The following CLRN1 variants were observed in gnomAD, a reference collection of about 807,000 sequenced individuals.
The protein encoded by CLRN1 is clarin 1.
A neutral mutation model predicts 18.7 loss-of-function variants in CLRN1; 15 were observed. That is an observed-to-expected ratio of 0.80 (90% CI 0.54 to 1.23). CLRN1 has a LOEUF of 1.23. Ranked by LOEUF, CLRN1 falls within the 50% of genes most tolerant of loss-of-function variation. The pLI, the probability that CLRN1 is intolerant of heterozygous loss-of-function variation, is 0.00. For missense variants in CLRN1, 311 were observed against 277.5 expected, an observed-to-expected ratio of 1.12 and a Z score of -0.86; for synonymous variants, 104 against 102.9, an observed-to-expected ratio of 1.01 and a Z score of -0.07.
At chr3:150,928,333 G>C (rs1174092426) in intron 2 of CLRN1, 132 bp from the exon 3 acceptor site, 15 of 1,146,382 alleles carry the variant, frequency 1.3e-5, no homozygotes, top group African/African-American at 3.1e-5. Flanking sequence ...AAAAATTATT[G>C]CATATTTGTA....
chr3:150,944,911 G>A (rs138185413), intron 1 of CLRN1, among the ~76,000 whole-genome samples: 328 of 152,302 alleles, frequency 2.2e-3, no homozygotes, highest in African/African-American at 7.6e-3. Flanking sequence ...GATATTTTAC[G>A]TTTGAGTTAC....
At position 150,927,606 on chromosome 3, in the gene CLRN1, A is replaced by G. The variant is rs1309359655; in HGVS notation, c.*330T>C. On this transcript the variant is annotated 3_prime_UTR_variant, in exon 3 of 3. Transcript: ENST00000327047. ...TTAAAATATATTCCATGTGCCTTTGATATCTTTTTGATAGGAAGACATCTT... is the reference window on the plus strand; with the variant it reads ...TTAAAATATATTCCATGTGCCTTTGGTATCTTTTTGATAGGAAGACATCTT... The G allele has an allele frequency of 2.0e-6, 1 of 493,640 alleles. No homozygotes were observed. Among genetic ancestry groups the G allele is most frequent in the Admixed American group, 2.3e-5 (1 of 43,364 alleles). 30.6% of individuals were successfully genotyped at this position (493,640 alleles called of 1,614,324 possible).
intron 2 of CLRN1, among the ~76,000 whole-genome samples, chr3:150,938,086 G>C (rs16863089): frequency 0.03 from 4,519 of 152,224 alleles, 221 homozygotes; most frequent in African/African-American, 0.1. Context: ...TTCAGCACAA[G>C]GAGCGGGGAA....
intron 1 of CLRN1, among the ~76,000 whole-genome samples, chr3:150,951,674 TGGC>T (rs907375281): frequency 7.2e-5 from 11 of 152,110 alleles, no homozygotes; most frequent in African/African-American, 2.4e-4. Context: ...GAGGTTTAAT[TGGC>T]TCACAGTTCT....
At chr3:150,945,810 A>C in intron 1 of CLRN1, 1 of 422,360 alleles carries the variant, frequency 2.4e-6, no homozygotes, top group Non-Finnish European at 3.9e-6. Flanking sequence ...ACCCTTGTGC[A>C]TTTTTCTTGG....
intron 1 of CLRN1, among the ~76,000 whole-genome samples, chr3:150,966,764 C>G (rs1005713364): frequency 5.6e-4 from 85 of 152,174 alleles, no homozygotes; most frequent in African/African-American, 1.9e-3. Context: ...CTTTAAAAAT[C>G]ATGAGTTTTG....
At chr3:150,946,704 CT>C (rs34471891) in intron 1 of CLRN1, among the ~76,000 whole-genome samples, 35,213 of 110,694 alleles carry the variant, frequency 0.32, 4,162 homozygotes, top group East Asian at 0.62. Flanking sequence ...CAGACCATTT[CT>C]TTTTTTTTTT....
In CLRN1 at chr3:150,927,273, A is replaced by G. The variant is rs765440156; in HGVS notation, c.*663T>C. 4.6e-5 allele frequency: 18 copies of G among 394,520 alleles called. No homozygotes were observed. Among genetic ancestry groups the G allele is most frequent in the South Asian group, 2.8e-4 (14 of 49,956 alleles). The allele number at this position is 394,520 out of a possible 1,614,324, so 24.4% of individuals were successfully genotyped here. On this transcript the variant is annotated 3_prime_UTR_variant, in exon 3 of 3. Transcript: ENST00000327047. ...ATAAGACTATGCTTTTTTAAAGCCT[A>G]TATTTTATATTTATTTTATTTTTTA... is the stretch of plus-strand genomic sequence containing the variant.
chr3:150,928,425 G>A (rs759886964), intron 2 of CLRN1, among the ~76,000 whole-genome samples: 7 of 152,316 alleles, frequency 4.6e-5, no homozygotes, highest in East Asian at 1.9e-4. Context: ...TTGTGTGTGC[G>A]TGTAGGAGTG....
chr3:150,972,544 G>A lies in CLRN1; in HGVS notation c.165C>T (p.Asp55=), dbSNP rs182614686. 1 of 1,614,144 alleles carries A rather than the reference G, an allele frequency of 6.2e-7. No individual in the cohort carries two copies. ...LLVNASGQEL[D]KFMGEMQYGL... is the part of the protein sequence containing the mutation. ...CGTACTGCATTTCACCCATAAACTT[G>A]TCCAGCTCCTGCCCTGAGGCATTGA... The change falls in exon 1 of 3, where the codon GAC becomes GAT. Residue 55 remains aspartate (D), a synonymous_variant. Coordinates refer to ENST00000327047, the MANE Select transcript of CLRN1 (RefSeq NM_174878.3).
chr3:150,957,213 T>C (rs1438927029), intron 1 of CLRN1, among the ~76,000 whole-genome samples: 1 of 150,742 alleles, frequency 6.6e-6, no homozygotes, highest in Non-Finnish European at 1.5e-5. Flanking sequence ...TAGTACAGAA[T>C]TATACTCAAG....
chr3:150,927,687 C>T lies in CLRN1; in HGVS notation c.*249G>A, dbSNP rs528690106. The stretch of plus-strand genomic sequence containing the variant: ...ATATATATATGGAGTAACAATTTGT[C>T]GATTCTAGTCAACTGCCTTTGACTA... On this transcript the variant is annotated 3_prime_UTR_variant, in exon 3 of 3. Coordinates refer to ENST00000327047, the MANE Select transcript of CLRN1 (RefSeq NM_174878.3). 130 of 629,742 alleles carry T rather than the reference C, an allele frequency of 2.1e-4. 1 individual carries two copies. The East Asian group carries it at 3.8e-3, about 19-fold the overall frequency. The allele number at this position is 629,742 out of a possible 1,614,324, so 39.0% of individuals were successfully genotyped here.
intron 1 of CLRN1, among the ~76,000 whole-genome samples, chr3:150,948,736 A>G (rs1001255114): frequency 2.0e-5 from 3 of 152,072 alleles, no homozygotes; most frequent in Admixed American, 6.5e-5. Context: ...CAACTAAAAA[A>G]TCCCAGGACC....
chr3:150,957,658 C>T (rs1714815790), intron 1 of CLRN1, among the ~76,000 whole-genome samples: 1 of 152,070 alleles, frequency 6.6e-6, no homozygotes, highest in South Asian at 2.1e-4. Context: ...TGTCTACTTT[C>T]TTTTTTAGGG....
chr3:150,946,012 T>C lies in CLRN1; in HGVS notation c.254-4251A>G, dbSNP rs544029571. The stretch of plus-strand genomic sequence containing the variant: ...TGATAATAAGAGGTTGGAAATAACG[T>C]ACATGTTTAGCAGTAGCATATTCAT... On this transcript the variant is annotated intron_variant, in intron 1 of 2. Transcript: ENST00000327047. 5.3e-5 allele frequency among the ~76,000 whole-genome samples: 8 copies of C among 152,350 alleles called. No individual in the cohort carries two copies. The South Asian group carries it at 1.7e-3, about 32-fold the overall frequency.
At chr3:150,944,754 CAAA>C (rs778124504) in intron 1 of CLRN1, among the ~76,000 whole-genome samples, 2 of 120,942 alleles carry the variant, frequency 1.7e-5, no homozygotes, top group Non-Finnish European at 3.5e-5. Flanking sequence ...GAATCCGTCT[CAAA>C]AAAAAAAAAA....
At chr3:150,940,398 T>G (rs1467052762) in intron 2 of CLRN1, 2 of 1,316,358 alleles carry the variant, frequency 1.5e-6, no homozygotes, top group Non-Finnish European at 2.0e-6. Flanking sequence ...GCCTTTGTTT[T>G]ATAGAGAGAG....
At chr3:150,967,941 C>T (rs2107990150) in intron 1 of CLRN1, among the ~76,000 whole-genome samples, 1 of 152,286 alleles carries the variant, frequency 6.6e-6, no homozygotes, top group Non-Finnish European at 1.5e-5. Flanking sequence ...AGTAAAGAAA[C>T]TCTGCTTTTC....
rs548829148 is a variant in CLRN1 at position 150,971,204 on chromosome 3, C to G, written c.253+1252G>C. Among the ~76,000 whole-genome samples, 4 of 152,204 alleles carry G rather than the reference C, an allele frequency of 2.6e-5. No individual in the cohort carries two copies. The East Asian group carries it at 7.7e-4, about 29-fold the overall frequency. ...GACATTCTGCTTTGTTTTCTTCCTT[C>G]CCCTTCCCCAGGAAAACTAAGCAAC... On this transcript the variant is annotated intron_variant, in intron 1 of 2. Coordinates refer to ENST00000327047, the MANE Select transcript of CLRN1 (RefSeq NM_174878.3).
Sources: allele counts gnomAD v4.1 joint callset (sites outside exome capture counted in the v4.1 genomes callset), GRCh38; gene constraint gnomAD v4.1.1; transcripts MANE v1.5; gene names NCBI Gene and HGNC (gene_info 2026-07-23, HGNC 2026-07-21).